The following RUFY2 variants were observed in gnomAD, a reference collection of about 807,000 sequenced individuals.
RUFY2 encodes RUN and FYVE domain containing 2, also known as RUN and FYVE domain-containing protein 2.
A neutral mutation model predicts 94.4 loss-of-function variants in RUFY2; 49 were observed. The ratio of observed to expected loss-of-function variants is 0.52; its 90% CI spans 0.41 to 0.66. RUFY2 has a LOEUF of 0.66. RUFY2 is among the 30% of genes least tolerant of loss of function. The pLI, the probability that RUFY2 is intolerant of heterozygous loss-of-function variation, is 0.00. For synonymous variants in RUFY2, 255 were observed against 235.7 expected (o/e 1.08, Z -0.75); for missense variants, 541 against 692.8 (o/e 0.78, Z 2.46).
chr10:68,406,748 G>C (rs2051351423), intron 1 of RUFY2: 1 of 1,606,468 alleles, frequency 6.2e-7, no homozygotes, highest in Admixed American at 1.7e-5. Flanking sequence ...ATCGCGGCGG[G>C]CTCACCCAGG....
At chr10:68,381,095 A>C in intron 11 of RUFY2, 137 bp downstream of exon 11, 1 of 508,834 alleles carries the variant, frequency 2.0e-6, no homozygotes, top group Non-Finnish European at 3.3e-6. Context: ...TTAAGCTTTC[A>C]TTTAGAAAAA....
At position 68,343,933 on chromosome 10, in the gene RUFY2, T is replaced by C. The variant is rs2046128110; in HGVS notation, c.*1835A>G. ...GTTGAATGAAATTAGCCTTGGAATT[T>C]AAGCAACTTAAGTCACATTTTAAAA... On this transcript the variant is annotated 3_prime_UTR_variant, in exon 18 of 18. Coordinates refer to ENST00000602465, the MANE Select transcript of RUFY2 (RefSeq NM_001330103.2). 3 of 152,126 alleles carry C rather than the reference T, an allele frequency of 2.0e-5. No individual in the cohort carries two copies. The South Asian group carries it at 6.2e-4, about 31-fold the overall frequency. The allele number at this position is 152,126 out of a possible 1,614,324, so 9.4% of individuals were successfully genotyped here.
intron 1 of RUFY2, 112 bp downstream of exon 1, chr10:68,407,074 G>T (rs1478994242): frequency 1.0e-5 from 15 of 1,492,628 alleles, no homozygotes; most frequent in South Asian, 1.3e-5. Flanking sequence ...TCGGGCCCCA[G>T]TTCCGACTGG....
At chr10:68,374,347 T>C (rs1448170099) in intron 13 of RUFY2, among the ~76,000 whole-genome samples, 1 of 151,844 alleles carries the variant, frequency 6.6e-6, no homozygotes, top group Non-Finnish European at 1.5e-5. Context: ...TACACTTTAA[T>C]CAACGGAAAG....
chr10:68,403,140 C>G (rs1367696059), intron 2 of RUFY2, among the ~76,000 whole-genome samples: 1 of 150,222 alleles, frequency 6.7e-6, no homozygotes, highest in Non-Finnish European at 1.5e-5. Context: ...GCCATCGCAC[C>G]CAGCCACTTT....
intron 1 of RUFY2, chr10:68,405,748 C>G: frequency 1.0e-6 from 1 of 973,338 alleles, no homozygotes; most frequent in Non-Finnish European, 1.2e-6. Flanking sequence ...GACTGTAGTT[C>G]TGTATTGCAT....
At chr10:68,405,320 AAAAAAAAG>A (rs2051197028) in intron 1 of RUFY2, 2 of 312,670 alleles carry the variant, frequency 6.4e-6, no homozygotes, top group Non-Finnish European at 9.3e-6. Context: ...TCACAAAAAA[AAAAAAAAG>A]AAAAAGAAAG....
intron 16 of RUFY2, among the ~76,000 whole-genome samples, chr10:68,347,052 G>A (rs2046325874): frequency 6.6e-6 from 1 of 151,964 alleles, no homozygotes; most frequent in African/African-American, 2.4e-5. Context: ...CCAGGAGTTT[G>A]AGGCTGCAGT....
chr10:68,396,918 A>T, intron 3 of RUFY2, 37 bp from the exon 4 acceptor site: 1 of 1,378,040 alleles, frequency 7.3e-7, no homozygotes, highest in Non-Finnish European at 1.0e-6. Flanking sequence ...AAACAGCCCT[A>T]GCCCAAAGAT....
At chr10:68,362,939 G>A (rs961435485) in intron 15 of RUFY2, among the ~76,000 whole-genome samples, 16 of 152,064 alleles carry the variant, frequency 1.1e-4, no homozygotes. Context: ...CGTGATGCTG[G>A]CTTCTTCTCA....
intron 7 of RUFY2, among the ~76,000 whole-genome samples, chr10:68,387,725 C>T (rs2049615640): frequency 7.5e-6 from 1 of 132,532 alleles, no homozygotes; most frequent in Admixed American, 8.2e-5. Flanking sequence ...GTAAAACCAG[C>T]CAGGCACAGT....
In RUFY2 at chr10:68,345,802, A is replaced by G. The variant is rs2046231144; in HGVS notation, c.1787T>C (p.Leu596Pro). The G allele has an allele frequency of 6.2e-7, 1 of 1,613,730 alleles. No homozygotes were observed. The highest frequency in any genetic ancestry group is 1.1e-5 in the South Asian group (1 of 91,070). The part of the protein sequence containing the change: ...PVRVCDSCHA[L>P]LIQRCSSNLP ...GTTAGATGAGCATCTCTGAATGAGC[A>G]GTGCATGACAGGAATCACAAACCCG... is the stretch of plus-strand genomic sequence containing the variant. Residue 596 changes from leucine (L) to proline (P), a missense_variant, in exon 18 of 18, where the codon CTG becomes CCG. Transcript: ENST00000602465.
chr10:68,404,162 T>C (rs1432904194), intron 2 of RUFY2, among the ~76,000 whole-genome samples: 1 of 152,216 alleles, frequency 6.6e-6, no homozygotes, highest in Non-Finnish European at 1.5e-5. Flanking sequence ...TATGTAACAA[T>C]AATTCAATAT....
intron 15 of RUFY2, 55 bp downstream of exon 15, chr10:68,363,535 A>G (rs2047604444): frequency 3.4e-6 from 4 of 1,182,128 alleles, no homozygotes; most frequent in Admixed American, 4.9e-5. Flanking sequence ...TGGCACACTT[A>G]TACCTTTTAT....
At chr10:68,364,151 T>G in intron 13 of RUFY2, 38 bp from the exon 14 acceptor site, 1 of 1,587,324 alleles carries the variant, frequency 6.3e-7, no homozygotes, top group Non-Finnish European at 8.6e-7. Flanking sequence ...TCAGTGCTAT[T>G]TCTCACACGA....
intron 4 of RUFY2, 36 bp from the exon 5 acceptor site, chr10:68,394,487 A>T (rs760839035): frequency 6.7e-7 from 1 of 1,487,740 alleles, no homozygotes; most frequent in African/African-American, 1.4e-5. Flanking sequence ...TTTAAATCAC[A>T]AATTTATTTC....
chr10:68,372,608 G>T (rs932870197), intron 13 of RUFY2, among the ~76,000 whole-genome samples: 34 of 146,820 alleles, frequency 2.3e-4, no homozygotes, highest in African/African-American at 7.8e-4. Context: ...AAAAAAAAGA[G>T]GCCAGGCACA....
At chr10:68,400,746 C>T (rs1207732694) in intron 3 of RUFY2, among the ~76,000 whole-genome samples, 2 of 151,146 alleles carry the variant, frequency 1.3e-5, no homozygotes, top group Admixed American at 6.6e-5. Context: ...GGCGCGGTGG[C>T]TCACGCCTGT....
intron 6 of RUFY2, 195 bp downstream of exon 6, chr10:68,393,880 A>C: frequency 8.0e-7 from 1 of 1,257,854 alleles, no homozygotes; most frequent in Admixed American, 3.8e-5. Context: ...CATACTATTA[A>C]TAAAACCTCC....
Sources: gnomAD v4.1 joint callset for allele counts (sites outside exome capture counted in the v4.1 genomes callset) on GRCh38, gnomAD v4.1.1 for gene constraint, MANE v1.5 for transcripts, NCBI Gene and HGNC (gene_info 2026-07-23, HGNC 2026-07-21) for gene names.